SEMA3C: variants seen among roughly 807,000 people sequenced by gnomAD.
The protein encoded by SEMA3C is semaphorin 3C.
SEMA3C carries 47 observed loss-of-function variants against 89.4 expected under a neutral mutation model. The observed-to-expected ratio is 0.53, with a 90% CI of 0.42 to 0.67. SEMA3C has a LOEUF of 0.67. Among genes scored for constraint, SEMA3C ranks in the 30% least tolerant of loss-of-function variants. The probability of loss-of-function intolerance (pLI) is 0.00; values close to 1 mark genes in which losing one functional copy is unlikely to be tolerated. For missense variants in SEMA3C, 839 were observed against 929.1 expected, an observed-to-expected ratio of 0.90 and a Z score of 1.26; for synonymous variants, 310 against 320.2, an observed-to-expected ratio of 0.97 and a Z score of 0.34.
chr7:80,805,716 G>A lies in SEMA3C; in HGVS notation c.581C>T (p.Thr194Ile), dbSNP rs761038697. 1 of 1,607,350 alleles carries A rather than the reference G, an allele frequency of 6.2e-7. No individual in the cohort carries two copies. Among genetic ancestry groups the A allele is most frequent in the Non-Finnish European group, 8.5e-7 (1 of 1,174,396 alleles). ...TAAACTTCGAAAAATAGCAGCATCT[G>A]TCCCCATGAAATCTATATACATTCC... Reference protein sequence around the residue: ...FSGMYIDFMGTDAAIFRSLTK... With the variant: ...FSGMYIDFMGIDAAIFRSLTK... Residue 194 changes from threonine (T) to isoleucine (I), a missense_variant, in exon 7 of 18, where the codon ACA becomes ATA. Thr to Ile is a moderately conservative substitution (Grantham distance 89). Transcript: ENST00000265361.
At chr7:80,808,511 C>T (rs368512243) in intron 6 of SEMA3C, among the ~76,000 whole-genome samples, 2 of 152,188 alleles carry the variant, frequency 1.3e-5, no homozygotes, top group African/African-American at 4.8e-5. Flanking sequence ...CCTCCCTGTC[C>T]GACTTGAATG....
chr7:80,879,611 G>C (rs1583972864), intron 2 of SEMA3C, among the ~76,000 whole-genome samples: 1 of 152,144 alleles, frequency 6.6e-6, no homozygotes, highest in Non-Finnish European at 1.5e-5. Flanking sequence ...TTATGCTATA[G>C]AGTCTATGTT....
chr7:80,798,204 TAC>T lies in SEMA3C; in HGVS notation c.1017_1018del (p.Tyr340SerfsTer4), dbSNP rs1310149093. 3.8e-6 allele frequency: 6 copies of T among 1,566,324 alleles called. No homozygotes were observed. Among genetic ancestry groups the T allele is most frequent in the South Asian group, 3.6e-5 (3 of 82,900 alleles). On this transcript the variant is annotated frameshift_variant, in exon 11 of 18. Transcript: ENST00000265361. LOFTEE classifies it high-confidence loss of function. ...CACAGTCTGTATATCAGATAAATGATACACACACACGGCTGATCCTTTGAAAA... is the reference window on the plus strand; with the variant it reads ...CACAGTCTGTATATCAGATAAATGATACACACACGGCTGATCCTTTGAAAA...
chr7:80,865,848 G>T (rs201165602), intron 2 of SEMA3C, among the ~76,000 whole-genome samples: 2 of 152,180 alleles, frequency 1.3e-5, no homozygotes, highest in East Asian at 1.9e-4. Flanking sequence ...TCTAATGAAA[G>T]AATTCTTGGT....
At chr7:80,824,093 T>A (rs1393782557) in intron 4 of SEMA3C, among the ~76,000 whole-genome samples, 3 of 152,304 alleles carry the variant, frequency 2.0e-5, no homozygotes, top group Middle Eastern at 3.4e-3. Flanking sequence ...TATCTTGTTA[T>A]AACGTCAATT....
At chr7:80,881,233 A>T (rs924643368) in intron 2 of SEMA3C, among the ~76,000 whole-genome samples, 18 of 150,762 alleles carry the variant, frequency 1.2e-4, no homozygotes, top group Non-Finnish European at 1.5e-5. Context: ...AAAGTTTTTC[A>T]ATCATTTTAA....
At chr7:80,876,986 C>T (rs181895726) in intron 2 of SEMA3C, among the ~76,000 whole-genome samples, 1 of 152,280 alleles carries the variant, frequency 6.6e-6, no homozygotes, top group African/African-American at 2.4e-5. Flanking sequence ...ATAATTACAT[C>T]CCAGTGGTGT....
chr7:80,918,473 A>T (rs1191143031), intron 1 of SEMA3C: 1 of 152,202 alleles, frequency 6.6e-6, no homozygotes. Context: ...CCTCCCCAAC[A>T]GTATCTTACA....
intron 12 of SEMA3C, among the ~76,000 whole-genome samples, 192 bp downstream of exon 12, chr7:80,789,114 A>T (rs1307289118): frequency 6.6e-6 from 1 of 152,124 alleles, no homozygotes; most frequent in Non-Finnish European, 1.5e-5. Flanking sequence ...CAAGAACTCT[A>T]TAATTTACTT....
chr7:80,861,318 A>T (rs1164463006), intron 2 of SEMA3C, among the ~76,000 whole-genome samples: 1 of 152,162 alleles, frequency 6.6e-6, no homozygotes, highest in African/African-American at 2.4e-5. Flanking sequence ...TATATATTAC[A>T]AAATGATTCA....
At chr7:80,913,463 C>G (rs1792200241) in intron 2 of SEMA3C, among the ~76,000 whole-genome samples, 1 of 152,134 alleles carries the variant, frequency 6.6e-6, no homozygotes, top group African/African-American at 2.4e-5. Flanking sequence ...CATAAAATAC[C>G]TATTTCCAAT....
intron 16 of SEMA3C, among the ~76,000 whole-genome samples, chr7:80,750,473 T>TATATATATAC (rs869227686): frequency 2.5e-4 from 14 of 55,436 alleles, no homozygotes; most frequent in African/African-American, 5.2e-4. Flanking sequence ...TATATATATA[T>TATATATATAC]ACACACACAC....
chr7:80,867,276 T>G (rs1185780943), intron 2 of SEMA3C, among the ~76,000 whole-genome samples: 1 of 151,894 alleles, frequency 6.6e-6, no homozygotes, highest in East Asian at 1.9e-4. Context: ...TCTTTTTAAC[T>G]TTTTTTTAGA....
Position 80,769,762 on chromosome 7 carries a change from G to A in SEMA3C, c.1355-4519C>T, listed in dbSNP as rs184485406. ...TAAATCCAGTTACTGAAGAGGCTGA[G>A]GCATGAGAATCGCTCGAACCTGGGA... On this transcript the variant is annotated intron_variant, in intron 12 of 17. Transcript: ENST00000265361. 1.8e-4 allele frequency among the ~76,000 whole-genome samples: 27 copies of A among 150,224 alleles called. 1 individual carries two copies. Among genetic ancestry groups the A allele is most frequent in the African/African-American group, 6.6e-4 (27 of 40,938 alleles).
intron 11 of SEMA3C, among the ~76,000 whole-genome samples, chr7:80,797,341 T>C (rs1421701623): frequency 9.9e-5 from 15 of 152,056 alleles, no homozygotes; most frequent in Admixed American, 9.8e-4. Context: ...AAAATTCCGG[T>C]TCTAATATTC....
chr7:80,883,985 T>A (rs552763672), intron 2 of SEMA3C, among the ~76,000 whole-genome samples: 2 of 152,318 alleles, frequency 1.3e-5, no homozygotes, highest in East Asian at 3.9e-4. Flanking sequence ...CATCTAGGGT[T>A]TAAGTCACTG....
chr7:80,865,535 C>G (rs1790905442), intron 2 of SEMA3C, among the ~76,000 whole-genome samples: 1 of 152,106 alleles, frequency 6.6e-6, no homozygotes, highest in African/African-American at 2.4e-5. Context: ...CGCCTGTAAT[C>G]CTAGCACTTT....
At chr7:80,820,139 C>T (rs552684471) in intron 4 of SEMA3C, among the ~76,000 whole-genome samples, 2 of 149,744 alleles carry the variant, frequency 1.3e-5, no homozygotes, top group African/African-American at 4.9e-5. Flanking sequence ...CTCACTGCAA[C>T]CTCTGCCTCC....
At chr7:80,823,728 T>C (rs1365710469) in intron 4 of SEMA3C, among the ~76,000 whole-genome samples, 1 of 152,134 alleles carries the variant, frequency 6.6e-6, no homozygotes, top group Non-Finnish European at 1.5e-5. Context: ...TGTATATATA[T>C]CTAAATATAT....
Sources: gnomAD v4.1 joint callset for allele counts (sites outside exome capture counted in the v4.1 genomes callset) on GRCh38, gnomAD v4.1.1 for gene constraint, MANE v1.5 for transcripts, NCBI Gene and HGNC (gene_info 2026-07-23, HGNC 2026-07-21) for gene names.